Variants in ROBO1 observed in about 807,000 individuals in gnomAD.
ROBO1 encodes the protein roundabout guidance receptor 1.
Under a neutral mutation model 195.9 loss-of-function variants are expected in ROBO1, and 149 were observed. The observed-to-expected ratio is 0.76, with a 90% CI of 0.67 to 0.87. The LOEUF is 0.87. ROBO1 is among the 40% of genes least tolerant of loss of function. ROBO1 has a pLI of 0.00. For missense variants in ROBO1, 1,933 were observed against 2,068.3 expected, an observed-to-expected ratio of 0.93 and a Z score of 1.27; for synonymous variants, 816 against 733.2, an observed-to-expected ratio of 1.11 and a Z score of -1.82.
intron 4 of ROBO1, among the ~76,000 whole-genome samples, chr3:78,777,912 C>T (rs910008104): frequency 7.2e-5 from 11 of 152,064 alleles, no homozygotes; most frequent in Admixed American, 3.9e-4. Context: ...TGCCTTGTGC[C>T]GGTTTTCAAA....
intron 1 of ROBO1, among the ~76,000 whole-genome samples, chr3:79,694,189 A>T (rs1489667766): frequency 2.0e-5 from 3 of 151,856 alleles, no homozygotes; most frequent in Admixed American, 6.6e-5. Flanking sequence ...GCACAAATGC[A>T]TTCTAGTTAT....
chr3:78,615,008 G>T (rs1338215934), intron 27 of ROBO1, among the ~76,000 whole-genome samples: 2 of 152,102 alleles, frequency 1.3e-5, no homozygotes, highest in African/African-American at 2.4e-5. Context: ...AGCATTTTCT[G>T]CTTATTTCAT....
Position 79,318,197 on chromosome 3 carries a change from T to C in ROBO1, c.89-192658A>G, listed in dbSNP as rs565661198. Among the ~76,000 whole-genome samples, 6 of 152,312 alleles carry C rather than the reference T, an allele frequency of 3.9e-5. No individual in the cohort carries two copies. The South Asian group carries it at 1.0e-3, about 26-fold the overall frequency. The stretch of plus-strand genomic sequence containing the variant: ...CACTAATTAAGTAATGATTTAAACA[T>C]TAATCTCATCCAAATACTCTCACAG... On this transcript the variant is annotated intron_variant, in intron 2 of 30. Coordinates refer to ENST00000464233, the MANE Select transcript of ROBO1 (RefSeq NM_002941.4).
intron 1 of ROBO1, among the ~76,000 whole-genome samples, chr3:79,767,354 C>G (rs116169791): frequency 0.028 from 4,228 of 152,236 alleles, 207 homozygotes; most frequent in African/African-American, 0.098. Flanking sequence ...CGCTGTGTGC[C>G]CCCAAGAAGC....
intron 4 of ROBO1, among the ~76,000 whole-genome samples, chr3:78,752,050 T>G (rs144830456): frequency 6.6e-6 from 1 of 152,118 alleles, no homozygotes; most frequent in East Asian, 1.9e-4. Flanking sequence ...AACTAAGGTG[T>G]ATTGGAGGAG....
At chr3:79,334,364 G>GTATATATAT (rs1451499648) in intron 2 of ROBO1, among the ~76,000 whole-genome samples, 1 of 142,156 alleles carries the variant, frequency 7.0e-6, no homozygotes, top group Non-Finnish European at 1.5e-5. Context: ...ATATATATAT[G>GTATATATAT]TATATATATT....
At chr3:79,713,950 T>A (rs2107247531) in intron 1 of ROBO1, among the ~76,000 whole-genome samples, 1 of 152,280 alleles carries the variant, frequency 6.6e-6, no homozygotes, top group Admixed American at 6.5e-5. Flanking sequence ...TCCATTGGTC[T>A]ATATCTCTGT....
At chr3:79,329,414 C>A (rs1173404285) in intron 2 of ROBO1, among the ~76,000 whole-genome samples, 1 of 152,142 alleles carries the variant, frequency 6.6e-6, no homozygotes, top group African/African-American at 2.4e-5. Flanking sequence ...CTGTAGTTTA[C>A]CATCTCCCTT....
At chr3:79,362,532 T>A (rs2035810590) in intron 2 of ROBO1, among the ~76,000 whole-genome samples, 1 of 152,190 alleles carries the variant, frequency 6.6e-6, no homozygotes, top group African/African-American at 2.4e-5. Context: ...TAGAAATGTT[T>A]GTGAACTGTC....
At chr3:79,684,698 T>C (rs1268673050) in intron 1 of ROBO1, among the ~76,000 whole-genome samples, 2 of 151,998 alleles carry the variant, frequency 1.3e-5, no homozygotes, top group Non-Finnish European at 2.9e-5. Context: ...TGATTTGAGA[T>C]GGAGTCTTGC....
At chr3:78,862,674 G>A (rs988370072) in intron 4 of ROBO1, among the ~76,000 whole-genome samples, 1 of 152,104 alleles carries the variant, frequency 6.6e-6, no homozygotes, top group African/African-American at 2.4e-5. Flanking sequence ...CAACAACAAG[G>A]AAAGCCTTGG....
chr3:79,074,540 C>T (rs2079140008), intron 3 of ROBO1, among the ~76,000 whole-genome samples: 1 of 151,564 alleles, frequency 6.6e-6, no homozygotes. Context: ...CACCTCAGCC[C>T]CTGAGTAGCT....
chr3:79,034,222 A>G (rs1048105673), intron 3 of ROBO1, among the ~76,000 whole-genome samples: 17 of 152,204 alleles, frequency 1.1e-4, no homozygotes, highest in Admixed American at 3.3e-4. Flanking sequence ...TTCACAAGTG[A>G]GGTTTAAAAA....
chr3:79,454,385 C>G (rs749771958), intron 2 of ROBO1, among the ~76,000 whole-genome samples: 1 of 152,078 alleles, frequency 6.6e-6, no homozygotes, highest in Non-Finnish European at 1.5e-5. Context: ...TACTCTACTT[C>G]ATGTTAACGT....
At chr3:79,310,094 A>G (rs2033408531) in intron 2 of ROBO1, among the ~76,000 whole-genome samples, 1 of 152,146 alleles carries the variant, frequency 6.6e-6, no homozygotes, top group Non-Finnish European at 1.5e-5. Flanking sequence ...CTGAAGGGTA[A>G]AGGTTTTGTA....
At chr3:79,586,533 C>A (rs2107806497) in intron 2 of ROBO1, among the ~76,000 whole-genome samples, 1 of 151,964 alleles carries the variant, frequency 6.6e-6, no homozygotes, top group Non-Finnish European at 1.5e-5. Flanking sequence ...AAAGATAAAT[C>A]ATGCTTAACT....
At chr3:79,611,743 G>C (rs533662446) in intron 1 of ROBO1, among the ~76,000 whole-genome samples, 2 of 152,036 alleles carry the variant, frequency 1.3e-5, no homozygotes, top group South Asian at 2.1e-4. Context: ...GTCAGGGAGT[G>C]GGGGGACTAA....
At chr3:78,848,520 G>T (rs2033821770) in intron 4 of ROBO1, among the ~76,000 whole-genome samples, 1 of 152,124 alleles carries the variant, frequency 6.6e-6, no homozygotes, top group Non-Finnish European at 1.5e-5. Flanking sequence ...TAGGAGGTCA[G>T]GGAATTGTCT....
Position 79,445,721 on chromosome 3 carries a change from G to A in ROBO1, c.88+144103C>T, listed in dbSNP as rs377574143. ...CTGTCGCCCAGGCTGGAGTGCAGTG[G>A]CGCGATATCGGCTCACTGCAAGCTC... On this transcript the variant is annotated intron_variant, in intron 2 of 30. Transcript: ENST00000464233. 2.2e-4 allele frequency among the ~76,000 whole-genome samples: 33 copies of A among 150,812 alleles called. No homozygotes were observed. The East Asian group carries it at 4.4e-3, about 20-fold the overall frequency.
Sources: allele counts gnomAD v4.1 joint callset (sites outside exome capture counted in the v4.1 genomes callset), GRCh38; gene constraint gnomAD v4.1.1; transcripts MANE v1.5; gene names NCBI Gene and HGNC (gene_info 2026-07-23, HGNC 2026-07-21).